The following ZNF654 variants were observed in gnomAD, a reference collection of about 807,000 sequenced individuals.
ZNF654 encodes zinc finger protein 654.
In ZNF654, 19 loss-of-function variants were observed where a neutral mutation model predicts 95.3. That is an observed-to-expected ratio of 0.20 (90% CI 0.14 to 0.29). The LOEUF (loss-of-function observed/expected upper bound fraction) is 0.29, where lower values mean the gene tolerates loss of function less well. Among genes scored for constraint, ZNF654 ranks in the 10% least tolerant of loss-of-function variants. ZNF654 has a pLI of 1.00. For missense variants in ZNF654, 1,046 were observed against 1,341.0 expected (o/e 0.78, Z 3.44); for synonymous variants, 413 against 457.9 (o/e 0.90, Z 1.25).
At position 88,139,444 on chromosome 3, in the gene ZNF654, A is replaced by C. The variant is rs765161957; in HGVS notation, c.1775A>C (p.Lys592Thr). The C allele has an allele frequency of 6.2e-7, 1 of 1,613,872 alleles. No individual in the cohort carries two copies. Among genetic ancestry groups the C allele is most frequent in the Non-Finnish European group, 8.5e-7 (1 of 1,179,812 alleles). ...RNRGLMQKHL[K>T]NHVKKIQRQQ... ...AGAGGACTTATGCAGAAGCATTTGA[A>C]GAATCATGTTAAGAAGATACAGAGG... The change falls in exon 8 of 9, where the codon AAG becomes ACG. Residue 592 changes from lysine to threonine, a missense_variant. Coordinates refer to ENST00000636215, the MANE Select transcript of ZNF654 (RefSeq NM_001350134.2).
At chr3:88,125,494 A>G (rs181462058) in intron 3 of ZNF654, among the ~76,000 whole-genome samples, 1 of 91,808 alleles carries the variant, frequency 1.1e-5, no homozygotes, top group Admixed American at 1.3e-4. Flanking sequence ...TTAACAATAC[A>G]TCTTTATCTT....
chr3:88,080,329 T>G (rs1708015294), intron 1 of ZNF654, among the ~76,000 whole-genome samples: 1 of 152,144 alleles, frequency 6.6e-6, no homozygotes, highest in South Asian at 2.1e-4. Flanking sequence ...AAAGCAAGCT[T>G]AATTTTGTTG....
Position 88,097,772 on chromosome 3 carries a change from C to A in ZNF654, c.332+11370C>A, listed in dbSNP as rs1263838151. On this transcript the variant is annotated intron_variant, in intron 2 of 8. Transcript: ENST00000636215. ...AAATGAATGCAGAAATAAAGATGTT[C>A]TTTGAAACCAATGAGAACAAAGACA... Among the ~76,000 whole-genome samples the A allele has an allele frequency of 3.3e-5, 5 of 152,132 alleles. No homozygotes were observed. In the East Asian group the frequency reaches 5.8e-4, roughly 18 times the overall value.
At position 88,059,341 on chromosome 3, in the gene ZNF654, C is replaced by A. The variant is rs1204836500; in HGVS notation, c.22C>A (p.Gln8Lys). The change falls in exon 1 of 9, where the codon CAA (glutamine) becomes AAA (lysine). Residue 8 changes from glutamine to lysine, a missense_variant. Transcript: ENST00000636215. Reference protein sequence around the residue: MAEEESDQEAERLGEELV... With the variant: MAEEESDKEAERLGEELV... ...CCTCATGGCGGAGGAAGAGAGCGACCAAGAGGCCGAACGCCTCGGAGAAGA... is the reference window on the plus strand; with the variant it reads ...CCTCATGGCGGAGGAAGAGAGCGACAAAGAGGCCGAACGCCTCGGAGAAGA... 1 of 1,534,582 alleles carries A rather than the reference C, an allele frequency of 6.5e-7. No individual in the cohort carries two copies. The highest frequency in any genetic ancestry group is 8.7e-7 in the Non-Finnish European group (1 of 1,146,732).
intron 7 of ZNF654, 86 bp from the exon 8 acceptor site, chr3:88,138,619 T>A: frequency 1.3e-6 from 1 of 780,764 alleles, no homozygotes; most frequent in East Asian, 3.4e-5. Flanking sequence ...AGCTTTCATT[T>A]TAAGAGTTGT....
intron 1 of ZNF654, among the ~76,000 whole-genome samples, chr3:88,081,477 G>C (rs554808888): frequency 6.6e-6 from 1 of 152,128 alleles, no homozygotes; most frequent in African/African-American, 2.4e-5. Context: ...CTGCCTAATG[G>C]TGCTTCTCTG....
chr3:88,077,020 A>C (rs1707841588), intron 1 of ZNF654, among the ~76,000 whole-genome samples: 1 of 152,216 alleles, frequency 6.6e-6, no homozygotes, highest in Admixed American at 6.5e-5. Flanking sequence ...CCCTGGAGTA[A>C]AAGAATTTTA....
At chr3:88,078,924 A>G (rs1481715447) in intron 1 of ZNF654, among the ~76,000 whole-genome samples, 2 of 152,088 alleles carry the variant, frequency 1.3e-5, no homozygotes, top group African/African-American at 4.8e-5. Context: ...TTTTGTATAC[A>G]ACTTTGATGA....
intron 2 of ZNF654, among the ~76,000 whole-genome samples, chr3:88,096,917 T>C (rs373715356): frequency 6.6e-6 from 1 of 152,162 alleles, no homozygotes; most frequent in Non-Finnish European, 1.5e-5. Flanking sequence ...ATTATCATTT[T>C]AGACAAATGC....
rs144281771 is a variant in ZNF654, at chr3:88,123,610, G to A, written c.415-2524G>A. Among the ~76,000 whole-genome samples, 757 of 152,208 alleles carry A rather than the reference G, an allele frequency of 5.0e-3. 7 individuals carry two copies. Among genetic ancestry groups the A allele is most frequent in the African/African-American group, 0.017 (692 of 41,526 alleles). ...CCTAGGAATCTGTTTTTTAAAAAGA[G>A]CTCTAAGTGTTTCTTATTTTCAGCC... On this transcript the variant is annotated intron_variant, in intron 3 of 8. Coordinates refer to ENST00000636215, the MANE Select transcript of ZNF654 (RefSeq NM_001350134.2).
At chr3:88,107,646 C>T (rs1035443164) in intron 2 of ZNF654, among the ~76,000 whole-genome samples, 70 of 152,080 alleles carry the variant, frequency 4.6e-4, no homozygotes, top group African/African-American at 1.6e-3. Flanking sequence ...TTCCTTAACT[C>T]TTGCTTCTTG....
At chr3:88,076,567 C>T (rs1707814386) in intron 1 of ZNF654, among the ~76,000 whole-genome samples, 1 of 152,018 alleles carries the variant, frequency 6.6e-6, no homozygotes, top group African/African-American at 2.4e-5. Flanking sequence ...AGTGCATCAT[C>T]TGTTTTGTTT....
At chr3:88,133,146 T>C (rs1706564726) in intron 6 of ZNF654, among the ~76,000 whole-genome samples, 1 of 152,160 alleles carries the variant, frequency 6.6e-6, no homozygotes, top group Admixed American at 6.6e-5. Context: ...CTGGGATCAC[T>C]TTCCCGCCCC....
At chr3:88,102,817 C>CTTTTTTTTTTTTT (rs10701359) in intron 2 of ZNF654, among the ~76,000 whole-genome samples, 10 of 106,500 alleles carry the variant, frequency 9.4e-5, no homozygotes, top group East Asian at 3.0e-4. Context: ...CCTCTACTGT[C>CTTTTTTTTTTTTT]TTTTTTTTTT....
At chr3:88,084,275 T>C (rs1708229259) in intron 1 of ZNF654, among the ~76,000 whole-genome samples, 1 of 152,076 alleles carries the variant, frequency 6.6e-6, no homozygotes, top group Admixed American at 6.5e-5. Context: ...AACCCATAAA[T>C]AGGGAGCAGA....
chr3:88,067,552 C>A (rs1189715617), intron 1 of ZNF654, among the ~76,000 whole-genome samples: 1 of 152,188 alleles, frequency 6.6e-6, no homozygotes, highest in African/African-American at 2.4e-5. Context: ...AAGGATGAGT[C>A]TTCAAATAAA....
Position 88,138,848 on chromosome 3 carries a change from T to A in ZNF654, c.1179T>A (p.Ile393=). The change falls in exon 8 of 9, where the codon ATT becomes ATA. Residue 393 remains isoleucine, a synonymous_variant. Coordinates refer to ENST00000636215, the MANE Select transcript of ZNF654 (RefSeq NM_001350134.2). ...FLPNDLEILR[I]CALSIFFLER... is the part of the protein sequence containing the mutation. The stretch of plus-strand genomic sequence containing the variant: ...CAAATGATTTGGAGATCCTCAGGAT[T>A]TGTGCACTCTCAATATTTTTTCTGG... The A allele has an allele frequency of 8.1e-7, 1 of 1,232,074 alleles. No individual in the cohort carries two copies. Among genetic ancestry groups the A allele is most frequent in the Non-Finnish European group, 1.0e-6 (1 of 987,928 alleles). The allele number at this position is 1,232,074 out of a possible 1,614,324, so 76.3% of individuals were successfully genotyped here.
intron 3 of ZNF654, among the ~76,000 whole-genome samples, chr3:88,119,802 A>T (rs1705661047): frequency 6.6e-6 from 1 of 152,130 alleles, no homozygotes; most frequent in Admixed American, 6.5e-5. Flanking sequence ...TTCATTACTT[A>T]TTTTAAAATG....
rs774572944 is a variant in ZNF654 at position 88,139,620 on chromosome 3, A to G, written c.1951A>G (p.Lys651Glu). The G allele has an allele frequency of 3.7e-6, 6 of 1,613,682 alleles. No individual in the cohort carries two copies. Among genetic ancestry groups the G allele is most frequent in the South Asian group, 1.1e-5 (1 of 91,068 alleles). The change falls in exon 8 of 9, where the codon AAA becomes GAA. Residue 651 changes from lysine to glutamate, a missense_variant. Physicochemically the swap from Lys to Glu is moderately conservative, Grantham distance 56. Transcript: ENST00000636215. ...ETLTASSEGN[K>E]EVIPEHVAEF... is the part of the protein sequence containing the mutation. ...ACTTACTGCTTCTAGTGAAGGAAAC[A>G]AAGAAGTCATCCCTGAGCATGTGGC... is the stretch of plus-strand genomic sequence containing the variant.
Sources: allele counts gnomAD v4.1 joint callset (sites outside exome capture counted in the v4.1 genomes callset), GRCh38; gene constraint gnomAD v4.1.1; transcripts MANE v1.5; gene names NCBI Gene and HGNC (gene_info 2026-07-23, HGNC 2026-07-21).